FAM120C: variants seen among roughly 807,000 people sequenced by gnomAD.
FAM120C encodes constitutive coactivator of PPAR-gamma-like protein 2.
FAM120C carries 14 observed loss-of-function variants against 71.2 expected under a neutral mutation model. The observed-to-expected ratio is 0.20, with a 90% confidence interval of 0.13 to 0.31. The LOEUF is 0.31. Among genes scored for constraint, FAM120C ranks in the 10% least tolerant of loss-of-function variants. FAM120C has a pLI of 1.00. For missense variants in FAM120C, 500 were observed against 879.0 expected, an observed-to-expected ratio of 0.57 and a Z score of 5.45; for synonymous variants, 354 against 353.2, an observed-to-expected ratio of 1.00 and a Z score of -0.03.
chrX:54,133,751 A>G (rs187694802), intron 8 of FAM120C, 22 bp downstream of exon 8: 182 of 1,201,505 alleles, frequency 1.5e-4, no homozygotes, highest in Non-Finnish European at 2.0e-4. Flanking sequence ...GCAGGGAGGT[A>G]GGTGCTGATG....
chrX:54,093,894 TTAC>T (rs1490950567), intron 10 of FAM120C, among the ~76,000 whole-genome samples: 2 of 111,251 alleles, frequency 1.8e-5, no homozygotes, highest in African/African-American at 6.5e-5. Context: ...AGTAGTTACA[TTAC>T]TACAAATATT....
chrX:54,081,553 C>A, intron 13 of FAM120C, 93 bp from the exon 14 acceptor site: 1 of 992,812 alleles, frequency 1.0e-6, no homozygotes, highest in Middle Eastern at 3.4e-4. Context: ...GGGCGGATTA[C>A]TTGAAGTCAG....
At chrX:54,150,448 G>A (rs903892212) in intron 4 of FAM120C, among the ~76,000 whole-genome samples, 20 of 111,917 alleles carry the variant, frequency 1.8e-4, no homozygotes, top group African/African-American at 6.5e-4. Flanking sequence ...TTGAACCAAC[G>A]TTAAGTCAGG....
intron 13 of FAM120C, among the ~76,000 whole-genome samples, chrX:54,082,187 CAAAAA>C (rs781909786): frequency 2.6e-5 from 1 of 38,241 alleles, no homozygotes. Flanking sequence ...GACTCTGTCT[CAAAAA>C]AAAAAAAAAA....
intron 1 of FAM120C, among the ~76,000 whole-genome samples, chrX:54,171,003 TG>T (rs1276767503): frequency 9.0e-6 from 1 of 110,599 alleles, no homozygotes; most frequent in African/African-American, 3.4e-5. Flanking sequence ...GAGAAGACAA[TG>T]ATCACAAGAA....
chrX:54,073,242 G>C lies in FAM120C; in HGVS notation c.3082C>G (p.Arg1028Gly), dbSNP rs200341384. ...TTTCCATTTACCTGGGAGCGAGACCGACCTTGATGAAGCTCCAGGGATTTA... is the reference window on the plus strand; with the variant it reads ...TTTCCATTTACCTGGGAGCGAGACCCACCTTGATGAAGCTCCAGGGATTTA... ...VSKSLELHQG[R>G]SRSQVNGNSG... The change falls in exon 16 of 16, where the codon CGG becomes GGG. Residue 1028 changes from arginine to glycine, a missense_variant. Physicochemically the swap from Arg to Gly is moderately radical, Grantham distance 125. This residue lies in a region of FAM120C where 85 missense variants were observed against 96.1 expected (regional missense o/e 0.88). Coordinates refer to ENST00000375180, the MANE Select transcript of FAM120C (RefSeq NM_017848.6). 8.3e-7 allele frequency: 1 copy of C among 1,207,359 alleles called. No homozygotes were observed.
intron 1 of FAM120C, among the ~76,000 whole-genome samples, chrX:54,166,557 C>G (rs1029347186): frequency 9.0e-6 from 1 of 111,432 alleles, no homozygotes; most frequent in East Asian, 2.8e-4. Flanking sequence ...ATAATGTATA[C>G]GTACAATGGA....
chrX:54,098,075 C>G (rs1557123630), intron 10 of FAM120C, among the ~76,000 whole-genome samples: 1 of 75,079 alleles, frequency 1.3e-5, no homozygotes. Flanking sequence ...GAGTTTCGTT[C>G]TTGTTGCCCA....
At chrX:54,081,252 G>T in intron 14 of FAM120C, 70 bp downstream of exon 14, 1 of 1,037,896 alleles carries the variant, frequency 9.6e-7, no homozygotes, top group Non-Finnish European at 1.3e-6. Flanking sequence ...TAATACCTAG[G>T]CATTTTTCCA....
chrX:54,182,458 T>C (rs921984665), intron 1 of FAM120C, 42 bp downstream of exon 1: 9 of 1,152,949 alleles, frequency 7.8e-6, no homozygotes, highest in Non-Finnish European at 1.0e-5. Flanking sequence ...TGGGAGGGAA[T>C]AGGTGTGGGG....
intron 7 of FAM120C, among the ~76,000 whole-genome samples, chrX:54,134,298 TGTTTAGA>T (rs1346950732): frequency 9.0e-6 from 1 of 111,709 alleles, no homozygotes; most frequent in Non-Finnish European, 1.9e-5. Context: ...TAAGAGGCCA[TGTTTAGA>T]GTTTGCTTAT....
At chrX:54,178,283 T>C (rs1450068202) in intron 1 of FAM120C, among the ~76,000 whole-genome samples, 2 of 112,052 alleles carry the variant, frequency 1.8e-5, no homozygotes, top group Non-Finnish European at 3.8e-5. Context: ...AGCTTACACA[T>C]TTGCCTTGTA....
chrX:54,094,495 C>G (rs1192763667), intron 10 of FAM120C, among the ~76,000 whole-genome samples: 1 of 109,604 alleles, frequency 9.1e-6, no homozygotes, highest in Non-Finnish European at 1.9e-5. Context: ...GCACCACCTA[C>G]ATCTCAAAAG....
chrX:54,183,250 G>C lies in FAM120C; in HGVS notation c.-52C>G. 1 of 795,275 alleles carries C rather than the reference G, an allele frequency of 1.3e-6. No individual in the cohort carries two copies. Among genetic ancestry groups the C allele is most frequent in the Non-Finnish European group, 1.6e-6 (1 of 640,435 alleles). 65.5% of individuals were successfully genotyped at this position (795,275 alleles called of 1,213,427 possible). ...CGGCTGCGCAAGCAGGATAGGCGAC[G>C]ATCTGGGCGCGAAGCTGGGGGCGGG... is the stretch of plus-strand genomic sequence containing the variant. On this transcript the variant is annotated 5_prime_UTR_variant, in exon 1 of 16. In the 5' UTR this introduces an upstream ATG that the reference lacks. Transcript: ENST00000375180.
intron 4 of FAM120C, 74 bp from the exon 5 acceptor site, chrX:54,136,664 A>G: frequency 1.4e-6 from 1 of 709,451 alleles, no homozygotes; most frequent in East Asian, 3.2e-5. Context: ...ATAATTTGGG[A>G]ATCAAAATAA....
chrX:54,112,892 T>G (rs1603355168), intron 10 of FAM120C, among the ~76,000 whole-genome samples: 3 of 103,777 alleles, frequency 2.9e-5, no homozygotes, highest in Admixed American at 2.1e-4. Context: ...TGGGGGCACA[T>G]GCCTGTAATC....
chrX:54,108,424 T>A (rs1390094250), intron 10 of FAM120C, among the ~76,000 whole-genome samples: 1 of 110,804 alleles, frequency 9.0e-6, no homozygotes, highest in East Asian at 2.8e-4. Context: ...GAAACTAGAC[T>A]GATCACAAAT....
chrX:54,145,496 G>A (rs1569533141), intron 4 of FAM120C, among the ~76,000 whole-genome samples: 1 of 111,986 alleles, frequency 8.9e-6, no homozygotes, highest in Non-Finnish European at 1.9e-5. Flanking sequence ...AGTGGGTGAA[G>A]GATATGAAAA....
rs2067081254 is a variant in FAM120C, at chrX:54,133,967, C to G, written c.1696G>C (p.Asp566His). The change falls in exon 8 of 16, where the codon GAT (aspartate) becomes CAT (histidine). Residue 566 changes from aspartate to histidine, a missense_variant. Physicochemically the swap from Asp to His is moderately conservative, Grantham distance 81 (BLOSUM62 -1). Around this residue, in one of 11 missense-constraint regions of FAM120C, gnomAD observed 85 missense variants for 84.9 expected, o/e 1.00. Coordinates refer to ENST00000375180, the MANE Select transcript of FAM120C (RefSeq NM_017848.6). ...RDRGSWAQPV[D>H]TGVSEASLGD... is the part of the protein sequence containing the mutation. ...AGGCTCGCTTCTGAAACTCCAGTAT[C>G]AACAGGCTGTGCCCAGGACCCTCTG... 2.5e-6 allele frequency: 3 copies of G among 1,211,669 alleles called. No homozygotes were observed. The highest frequency in any genetic ancestry group is 3.4e-6 in the Non-Finnish European group (3 of 895,412).
Sources: allele counts gnomAD v4.1 joint callset (sites outside exome capture counted in the v4.1 genomes callset), GRCh38; gene constraint gnomAD v4.1.1; regional missense constraint gnomAD v4.1.1; transcripts MANE v1.5; gene names NCBI Gene and HGNC (gene_info 2026-07-23, HGNC 2026-07-21).